The following CACNA1G variants were observed in gnomAD, a reference collection of about 807,000 sequenced individuals.
The protein encoded by CACNA1G is voltage-dependent T-type calcium channel subunit alpha-1G.
CACNA1G carries 67 observed loss-of-function variants against 219.4 expected under a neutral mutation model. The ratio of observed to expected loss-of-function variants is 0.31; its 90% CI spans 0.25 to 0.37. CACNA1G has a LOEUF of 0.37. Among genes scored for constraint, CACNA1G ranks in the 10% least tolerant of loss-of-function variants. The pLI is 1.00. For missense variants in CACNA1G, 2,380 were observed against 3,231.4 expected (o/e 0.74, Z 6.39); for synonymous variants, 1,296 against 1,345.3 (o/e 0.96, Z 0.80).
rs1336980549 is a variant in CACNA1G, at chr17:50,601,114, C to T, written c.3855C>T (p.Ile1285=). Residue 1285 remains isoleucine (I), a synonymous_variant, in exon 19 of 38, where the codon ATC becomes ATT. Transcript: ENST00000359106. ...HKMFDHVVLV[I]IFLNCITIAM... ...TGTTCGACCACGTGGTCCTTGTCATCATCTTCCTTAACTGCATCACCATCG... is the reference window on the plus strand; with the variant it reads ...TGTTCGACCACGTGGTCCTTGTCATTATCTTCCTTAACTGCATCACCATCG... 1.5e-5 allele frequency: 25 copies of T among 1,613,982 alleles called. No individual in the cohort carries two copies. The highest frequency in any genetic ancestry group is 2.1e-5 in the Non-Finnish European group (25 of 1,179,868).
Position 50,576,179 on chromosome 17 carries a change from G to A in CACNA1G, c.1777G>A (p.Val593Met), listed in dbSNP as rs372343140. Residue 593 changes from valine (V) to methionine (M), a missense_variant, in exon 8 of 38, where the codon GTG becomes ATG. Physicochemically the swap from Val to Met is conservative, Grantham distance 21. This residue lies in a region of CACNA1G where 434 missense variants were observed against 417.3 expected (regional missense o/e 1.04). Coordinates refer to ENST00000359106, the MANE Select transcript of CACNA1G (RefSeq NM_018896.5). ...TVGSGKVYPTVHTSPPPETLK... is the reference protein window; with the variant it reads ...TVGSGKVYPTMHTSPPPETLK... ...GGGCAGCGGGAAGGTGTATCCCACCGTGCACACCAGCCCTCCACCGGAGAC... is the reference window on the plus strand; with the variant it reads ...GGGCAGCGGGAAGGTGTATCCCACCATGCACACCAGCCCTCCACCGGAGAC... 310 of 1,610,226 alleles carry A rather than the reference G, an allele frequency of 1.9e-4. 1 individual carries two copies. The highest frequency in any genetic ancestry group is 5.5e-4 in the Admixed American group (33 of 59,734).
chr17:50,568,481 G>GTAT (rs2038527225), intron 1 of CACNA1G, among the ~76,000 whole-genome samples: 2 of 152,340 alleles, frequency 1.3e-5, no homozygotes, highest in East Asian at 3.9e-4. Context: ...TTCACATACA[G>GTAT]TATCTCATTT....
chr17:50,626,473 G>A lies in CACNA1G; in HGVS notation c.6856G>A (p.Asp2286Asn). ...CGGCTCCCAACCCCACCTGGGCACA[G>A]ACCCCTCTAACCTTGGGGGCCAGCC... ...DSGSQPHLGT[D>N]PSNLGGQPLG... Residue 2286 changes from aspartate (D) to asparagine (N), a missense_variant, in exon 38 of 38, where the codon GAC (aspartate) becomes AAC (asparagine). Coordinates refer to ENST00000359106, the MANE Select transcript of CACNA1G (RefSeq NM_018896.5). This position sits in a 1 kb window ranked among gnomAD's most constrained non-coding sequence, Gnocchi z 4.3. 1.3e-6 allele frequency: 2 copies of A among 1,599,272 alleles called. No individual in the cohort carries two copies. Among genetic ancestry groups the A allele is most frequent in the Non-Finnish European group, 1.7e-6 (2 of 1,174,004 alleles).
chr17:50,599,199 A>G (rs1489571029), intron 16 of CACNA1G, among the ~76,000 whole-genome samples: 1 of 152,212 alleles, frequency 6.6e-6, no homozygotes, highest in East Asian at 1.9e-4. Flanking sequence ...TGCCATATCT[A>G]GTTTACAGAT....
At chr17:50,572,179 T>C in intron 5 of CACNA1G, 142 bp downstream of exon 5, 1 of 929,830 alleles carries the variant, frequency 1.1e-6, no homozygotes, top group South Asian at 1.8e-5. Context: ...GGCTACCCAT[T>C]GGAACCACCT....
At position 50,601,060 on chromosome 17, in the gene CACNA1G, C is replaced by T; in HGVS notation, c.3801C>T (p.Leu1267=). The change falls in exon 19 of 38, where the codon CTC becomes CTT. Residue 1267 remains leucine (L), a synonymous_variant. Coordinates refer to ENST00000359106, the MANE Select transcript of CACNA1G (RefSeq NM_018896.5). The stretch of plus-strand genomic sequence containing the variant: ...CTCCATGCCTGGGCAGGTTCCGCCT[C>T]CTGTGTCACCGGATCATCACCCACA... ...YIFPPQSRFR[L]LCHRIITHKM... 1.2e-6 allele frequency: 2 copies of T among 1,613,810 alleles called. No homozygotes were observed. Among genetic ancestry groups the T allele is most frequent in the Non-Finnish European group, 1.7e-6 (2 of 1,179,802 alleles).
rs764948610 is a variant in CACNA1G at position 50,569,152 on chromosome 17, G to A, written c.355-13G>A. 5.6e-6 allele frequency: 9 copies of A among 1,612,526 alleles called. No homozygotes were observed. The highest frequency in any genetic ancestry group is 4.2e-6 in the Non-Finnish European group (5 of 1,178,954). On this transcript the variant is annotated splice_polypyrimidine_tract_variant and intron_variant, in intron 2 of 37. Coordinates refer to ENST00000359106, the MANE Select transcript of CACNA1G (RefSeq NM_018896.5). Reference sequence around the variant, plus strand: ...CACGTCTCAGTTTCAGCCACCTCTTGTCCCCACATCAGGCCTTTGATGACT... The same window carrying A: ...CACGTCTCAGTTTCAGCCACCTCTTATCCCCACATCAGGCCTTTGATGACT...
At chr17:50,562,142 G>A (rs2035957581) in intron 1 of CACNA1G, 1 of 148,300 alleles carries the variant, frequency 6.7e-6, no homozygotes, top group Admixed American at 6.7e-5. Context: ...GGTGGGGGCG[G>A]TGGGGAGGAA....
intron 13 of CACNA1G, among the ~76,000 whole-genome samples, chr17:50,594,316 A>C (rs1258221550): frequency 6.6e-6 from 1 of 152,252 alleles, no homozygotes; most frequent in Non-Finnish European, 1.5e-5. Context: ...CAGAGCCATC[A>C]TCTCAGCATT....
Position 50,619,711 on chromosome 17 carries a change from T to C in CACNA1G, c.5810T>C (p.Leu1937Pro), listed in dbSNP as rs1291202787. The C allele has an allele frequency of 1.9e-6, 3 of 1,610,702 alleles. No homozygotes were observed. The highest frequency in any genetic ancestry group is 2.7e-5 in the African/African-American group (2 of 74,910). The change falls in exon 34 of 38, where the codon CTG becomes CCG. Residue 1937 changes from leucine to proline, a missense_variant. Coordinates refer to ENST00000359106, the MANE Select transcript of CACNA1G (RefSeq NM_018896.5). ...TDRQLFDTIS[L>P]LIQGSLEWEL... is the part of the protein sequence containing the mutation. ...AGGCAGCTGTTTGACACCATATCCC[T>C]GCTGATCCAGGGCTCCCTGGAGTGG... is the stretch of plus-strand genomic sequence containing the variant.
chr17:50,582,560 G>C (rs1391302646), intron 9 of CACNA1G, among the ~76,000 whole-genome samples: 1 of 152,108 alleles, frequency 6.6e-6, no homozygotes, highest in Non-Finnish European at 1.5e-5. Flanking sequence ...TATCCAGCAG[G>C]CTGTCGGAGC....
At chr17:50,601,360 C>T (rs961216683) in intron 19 of CACNA1G, among the ~76,000 whole-genome samples, 186 bp downstream of exon 19, 1 of 152,232 alleles carries the variant, frequency 6.6e-6, no homozygotes, top group African/African-American at 2.4e-5. Flanking sequence ...TCCTCTCCTG[C>T]CTCAGTTTCC....
intron 2 of CACNA1G, 35 bp from the exon 3 acceptor site, chr17:50,569,130 G>T (rs761612325): frequency 6.2e-7 from 1 of 1,607,610 alleles, no homozygotes; most frequent in East Asian, 2.2e-5. Context: ...CCTCACCCAC[G>T]TCTCAGTTTC....
At position 50,601,187 on chromosome 17, in the gene CACNA1G, C is replaced by T; in HGVS notation, c.3915+13C>T. ...CCCCCACAGCGCTGTGAGTCACCAGCCCCGCTCAGGGCAAGGCCTCTCCTG... is the reference window on the plus strand; with the variant it reads ...CCCCCACAGCGCTGTGAGTCACCAGTCCCGCTCAGGGCAAGGCCTCTCCTG... On this transcript the variant is annotated intron_variant, in intron 19 of 37. Transcript: ENST00000359106. 1 of 1,613,346 alleles carries T rather than the reference C, an allele frequency of 6.2e-7. No homozygotes were observed. Among genetic ancestry groups the T allele is most frequent in the Non-Finnish European group, 8.5e-7 (1 of 1,179,790 alleles).
At chr17:50,569,618 G>A in intron 3 of CACNA1G, 88 bp from the exon 4 acceptor site, 1 of 894,636 alleles carries the variant, frequency 1.1e-6, no homozygotes. Context: ...TCATCCTGCT[G>A]CCCCTAAAGC....
chr17:50,566,155 C>G (rs1597999700), intron 1 of CACNA1G, among the ~76,000 whole-genome samples: 1 of 152,288 alleles, frequency 6.6e-6, no homozygotes, highest in East Asian at 1.9e-4. Context: ...CAGGGGAGAT[C>G]ATGTGAGAGG....
At chr17:50,613,864 G>C (rs889514098) in intron 26 of CACNA1G, among the ~76,000 whole-genome samples, 2 of 145,582 alleles carry the variant, frequency 1.4e-5, no homozygotes, top group South Asian at 5.0e-4. Context: ...TGGATGACCC[G>C]TAGCCTCCTG....
intron 7 of CACNA1G, among the ~76,000 whole-genome samples, chr17:50,575,171 C>T (rs1018493181): frequency 2.6e-5 from 4 of 152,124 alleles, no homozygotes; most frequent in South Asian, 2.1e-4. Context: ...ATGGAAATTG[C>T]GGAAGGGGTG....
At chr17:50,561,897 A>C in intron 1 of CACNA1G, 196 bp downstream of exon 1, 2 of 263,524 alleles carry the variant, frequency 7.6e-6, no homozygotes, top group Non-Finnish European at 1.3e-5. Context: ...CTCGTCGGTA[A>C]CCCGGGCTTA....
Sources: allele counts gnomAD v4.1 joint callset (sites outside exome capture counted in the v4.1 genomes callset), GRCh38; gene constraint gnomAD v4.1.1; regional missense constraint gnomAD v4.1.1; non-coding constraint Gnocchi (gnomAD v3.1); transcripts MANE v1.5; gene names NCBI Gene and HGNC (gene_info 2026-07-23, HGNC 2026-07-21).